The following MACROD2 variants were observed in gnomAD, a reference collection of about 807,000 sequenced individuals.
MACROD2 encodes mono-ADP ribosylhydrolase 2.
MACROD2 carries 36 observed loss-of-function variants against 70.4 expected under a neutral mutation model. That is an observed-to-expected ratio of 0.51 (90% confidence interval 0.39 to 0.68). The LOEUF (loss-of-function observed/expected upper bound fraction) is 0.68, where lower values mean the gene tolerates loss of function less well. MACROD2 is among the 30% of genes least tolerant of loss of function. The pLI is 0.00. For missense variants in MACROD2, 496 were observed against 538.4 expected (o/e 0.92, Z 0.78); for synonymous variants, 172 against 178.8 (o/e 0.96, Z 0.30).
At chr20:14,698,334 C>T (rs2071150751) in intron 5 of MACROD2, among the ~76,000 whole-genome samples, 1 of 152,132 alleles carries the variant, frequency 6.6e-6, no homozygotes, top group Admixed American at 6.6e-5. Flanking sequence ...AGTTGTTTAA[C>T]CTCTTTGTGC....
At chr20:14,772,620 C>T (rs1397550823) in intron 5 of MACROD2, among the ~76,000 whole-genome samples, 4 of 151,940 alleles carry the variant, frequency 2.6e-5, no homozygotes, top group Non-Finnish European at 5.9e-5. Context: ...TCCCATAACA[C>T]GTGGGAATTA....
At chr20:14,196,096 T>C (rs1455678155) in intron 3 of MACROD2, among the ~76,000 whole-genome samples, 1 of 152,108 alleles carries the variant, frequency 6.6e-6, no homozygotes, top group Non-Finnish European at 1.5e-5. Context: ...TATGCTCCCC[T>C]AGAGGTTTGA....
chr20:15,850,259 A>T (rs150596710), intron 8 of MACROD2, among the ~76,000 whole-genome samples: 146 of 152,118 alleles, frequency 9.6e-4, no homozygotes, highest in African/African-American at 3.4e-3. Context: ...GAACTCTGGG[A>T]TCTCTCCCCC....
intron 3 of MACROD2, among the ~76,000 whole-genome samples, chr20:14,466,553 C>T (rs1600268448): frequency 1.3e-5 from 2 of 152,122 alleles, no homozygotes; most frequent in African/African-American, 4.8e-5. Context: ...CATTTTCTGT[C>T]CAGCTTTGTT....
At chr20:15,660,454 G>A (rs1428132193) in intron 8 of MACROD2, among the ~76,000 whole-genome samples, 1 of 151,952 alleles carries the variant, frequency 6.6e-6, no homozygotes, top group East Asian at 1.9e-4. Flanking sequence ...TAGTTTTTCA[G>A]ATTTATTTAG....
intron 8 of MACROD2, among the ~76,000 whole-genome samples, chr20:15,797,032 A>C (rs546241971): frequency 3.3e-4 from 51 of 152,318 alleles, no homozygotes; most frequent in African/African-American, 1.2e-3. Context: ...TTAGGTGCTC[A>C]AAAATGTCCT....
intron 15 of MACROD2, among the ~76,000 whole-genome samples, chr20:16,022,518 A>G (rs1462328591): frequency 6.6e-6 from 1 of 152,208 alleles, no homozygotes; most frequent in African/African-American, 2.4e-5. Context: ...ATGTACAAGA[A>G]TCACTAGGGC....
At chr20:15,552,629 T>C (rs2048114825) in intron 8 of MACROD2, 1 of 152,256 alleles carries the variant, frequency 6.6e-6, no homozygotes, top group Admixed American at 6.5e-5. Context: ...TCCCACTCCT[T>C]TCCTGGGGAC....
At chr20:14,713,468 G>A (rs1278332073) in intron 5 of MACROD2, among the ~76,000 whole-genome samples, 1 of 151,722 alleles carries the variant, frequency 6.6e-6, no homozygotes, top group African/African-American at 2.4e-5. Flanking sequence ...GGAGATTCTG[G>A]TTCAAAATTA....
chr20:14,563,597 A>T (rs1979584049), intron 4 of MACROD2, among the ~76,000 whole-genome samples: 1 of 152,018 alleles, frequency 6.6e-6, no homozygotes, highest in Non-Finnish European at 1.5e-5. Context: ...TGTAAGGAAC[A>T]ATGAGATCCC....
chr20:14,971,531 C>T (rs759777443), intron 5 of MACROD2, among the ~76,000 whole-genome samples: 13 of 152,110 alleles, frequency 8.5e-5, no homozygotes, highest in Non-Finnish European at 1.6e-4. Context: ...ATTAAATCAC[C>T]GCAGAATCCA....
intron 3 of MACROD2, among the ~76,000 whole-genome samples, chr20:14,257,980 A>G (rs1014164663): frequency 2.0e-5 from 3 of 152,148 alleles, no homozygotes; most frequent in South Asian, 2.1e-4. Flanking sequence ...TTGAGAACAT[A>G]TAAGATTTGG....
At chr20:14,742,719 TA>T (rs1450197712) in intron 5 of MACROD2, among the ~76,000 whole-genome samples, 2 of 151,980 alleles carry the variant, frequency 1.3e-5, no homozygotes, top group Non-Finnish European at 2.9e-5. Flanking sequence ...TCTCAAATAT[TA>T]AAACTGCACC....
In MACROD2 at chr20:15,215,850, A is replaced by C. The variant is rs1194449513; in HGVS notation, c.419-14090A>C. ...AATGAAAGAATGCATGATGGAAAGG[A>C]AACAGCTGAAGACTTACTGTACCAG... On this transcript the variant is annotated intron_variant, in intron 5 of 17. Transcript: ENST00000684519. Among the ~76,000 whole-genome samples the C allele has an allele frequency of 2.0e-5, 3 of 152,278 alleles. No individual in the cohort carries two copies. In the East Asian group the frequency reaches 5.8e-4, roughly 29 times the overall value.
At chr20:15,890,926 T>C (rs2147219421) in intron 10 of MACROD2, among the ~76,000 whole-genome samples, 1 of 152,196 alleles carries the variant, frequency 6.6e-6, no homozygotes, top group Middle Eastern at 3.4e-3. Flanking sequence ...GAATTTGAAA[T>C]GAAATTCTCA....
intron 3 of MACROD2, among the ~76,000 whole-genome samples, chr20:14,269,903 T>G (rs2082176825): frequency 6.6e-6 from 1 of 152,080 alleles, no homozygotes; most frequent in Non-Finnish European, 1.5e-5. Context: ...TTGCCACTCC[T>G]CATCCTAACC....
At chr20:15,195,371 C>T (rs964173310) in intron 5 of MACROD2, among the ~76,000 whole-genome samples, 3 of 151,868 alleles carry the variant, frequency 2.0e-5, no homozygotes, top group African/African-American at 4.8e-5. Context: ...CTATAAGAAA[C>T]TTAAACAAAT....
chr20:15,942,096 A>G (rs2065758556), intron 12 of MACROD2, among the ~76,000 whole-genome samples: 1 of 152,194 alleles, frequency 6.6e-6, no homozygotes, highest in African/African-American at 2.4e-5. Flanking sequence ...CCTCTTTGCC[A>G]GCAGTTTTGT....
At chr20:14,930,365 T>C (rs2122674559) in intron 5 of MACROD2, among the ~76,000 whole-genome samples, 1 of 152,310 alleles carries the variant, frequency 6.6e-6, no homozygotes, top group African/African-American at 2.4e-5. Context: ...AGTTGAGTTC[T>C]TACATAAGGA....
Sources: gnomAD v4.1 joint callset for allele counts (sites outside exome capture counted in the v4.1 genomes callset) on GRCh38, gnomAD v4.1.1 for gene constraint, MANE v1.5 for transcripts, NCBI Gene and HGNC (gene_info 2026-07-23, HGNC 2026-07-21) for gene names.